The following HERC1 variants were observed in gnomAD, a reference collection of about 807,000 sequenced individuals.
The protein encoded by HERC1 is HECT and RLD domain containing E3 ubiquitin protein ligase family member 1.
A neutral mutation model predicts 554.3 loss-of-function variants in HERC1; 160 were observed. That is an observed-to-expected ratio of 0.29 (90% CI 0.25 to 0.33). HERC1 has a LOEUF of 0.33. Ranked by LOEUF, HERC1 falls within the 10% of genes least tolerant of loss-of-function variation. The pLI, the probability that HERC1 is intolerant of heterozygous loss-of-function variation, is 1.00. For synonymous variants in HERC1, 2,175 were observed against 2,131.7 expected (o/e 1.02, Z -0.56); for missense variants, 4,919 against 5,918.5 (o/e 0.83, Z 5.54).
chr15:63,715,935 G>A (rs1411944149), intron 22 of HERC1, among the ~76,000 whole-genome samples: 4 of 152,102 alleles, frequency 2.6e-5, no homozygotes, highest in African/African-American at 4.8e-5. Flanking sequence ...GCATAGAAAG[G>A]GGCTCTCTTC....
At chr15:63,728,356 T>C (rs906600353) in intron 16 of HERC1, among the ~76,000 whole-genome samples, 3 of 152,192 alleles carry the variant, frequency 2.0e-5, no homozygotes, top group African/African-American at 7.2e-5. Context: ...TCCATATTGG[T>C]TTTAAATCAA....
chr15:63,681,729 C>T (rs1044438000), intron 34 of HERC1, among the ~76,000 whole-genome samples: 21 of 152,142 alleles, frequency 1.4e-4, no homozygotes, highest in Admixed American at 5.9e-4. Flanking sequence ...AAGGTGTCTA[C>T]GTGACCAGCC....
At chr15:63,676,617 A>T (rs2071223657) in intron 37 of HERC1, among the ~76,000 whole-genome samples, 1 of 152,104 alleles carries the variant, frequency 6.6e-6, no homozygotes, top group Non-Finnish European at 1.5e-5. Context: ...TTAGCCGGGC[A>T]TGATGGTGGG....
chr15:63,740,179 A>G (rs888305706), intron 12 of HERC1, among the ~76,000 whole-genome samples: 1 of 152,160 alleles, frequency 6.6e-6, no homozygotes, highest in Non-Finnish European at 1.5e-5. Flanking sequence ...CAAAGTGTGC[A>G]GATTACAGGT....
chr15:63,736,631 G>A (rs1015653353), intron 12 of HERC1, among the ~76,000 whole-genome samples: 12 of 150,170 alleles, frequency 8.0e-5, no homozygotes, highest in Admixed American at 4.6e-4. Context: ...TTTTTGAGAC[G>A]GAGTCTTGCT....
chr15:63,832,794 C>G (rs1014284664), intron 1 of HERC1, among the ~76,000 whole-genome samples: 5 of 151,618 alleles, frequency 3.3e-5, no homozygotes, highest in African/African-American at 1.2e-4. Flanking sequence ...ATTTTTGGAA[C>G]AAATATAGAA....
At chr15:63,723,987 T>C (rs1273071358) in intron 18 of HERC1, among the ~76,000 whole-genome samples, 1 of 152,218 alleles carries the variant, frequency 6.6e-6, no homozygotes, top group Non-Finnish European at 1.5e-5. Flanking sequence ...CAAAAATCAA[T>C]TCAACCCATA....
At chr15:63,664,917 T>C (rs2070542470) in intron 42 of HERC1, among the ~76,000 whole-genome samples, 1 of 152,194 alleles carries the variant, frequency 6.6e-6, no homozygotes, top group Non-Finnish European at 1.5e-5. Context: ...TGATTGAGAA[T>C]TCTTGCCTAG....
At chr15:63,657,842 A>C (rs920034527) in intron 48 of HERC1, among the ~76,000 whole-genome samples, 1 of 151,464 alleles carries the variant, frequency 6.6e-6, no homozygotes, top group African/African-American at 2.4e-5. Flanking sequence ...TTTTTTTTCT[A>C]TGTGGATAAA....
At chr15:63,660,101 A>G (rs905995296) in intron 46 of HERC1, among the ~76,000 whole-genome samples, 165 bp from the exon 47 acceptor site, 3 of 152,004 alleles carry the variant, frequency 2.0e-5, no homozygotes, top group Admixed American at 6.6e-5. Context: ...ACTGGATCAC[A>G]TGAGGTCAGG....
chr15:63,700,708 C>CAAAAAAAAAAA (rs11314964), intron 25 of HERC1, among the ~76,000 whole-genome samples: 6 of 64,588 alleles, frequency 9.3e-5, no homozygotes, highest in Admixed American at 2.0e-4. Flanking sequence ...GACCCTGCCT[C>CAAAAAAAAAAA]AAAAAAAAAA....
intron 38 of HERC1, 106 bp downstream of exon 38, chr15:63,674,236 A>AT: frequency 1.4e-4 from 132 of 959,804 alleles, no homozygotes; most frequent in Non-Finnish European, 1.8e-4. Flanking sequence ...CCAAAAAAAA[A>AT]ATTTTTTTTT....
At chr15:63,655,452 T>A (rs2152908042) in intron 50 of HERC1, among the ~76,000 whole-genome samples, 1 of 152,314 alleles carries the variant, frequency 6.6e-6, no homozygotes, top group African/African-American at 2.4e-5. Context: ...AGTGTTATAA[T>A]CTTAAAACAA....
rs2074770099 is a variant in HERC1 at position 63,740,868 on chromosome 15, T to C, written c.2521-6019A>G. On this transcript the variant is annotated intron_variant, in intron 12 of 77. Coordinates refer to ENST00000443617, the MANE Select transcript of HERC1 (RefSeq NM_003922.4). The stretch of plus-strand genomic sequence containing the variant: ...ACTTACAAGTATCTCTCCCATTCTG[T>C]GTGCTGTCTTCATTTTCTTGAAAGT... Among the ~76,000 whole-genome samples, 4 of 152,340 alleles carry C rather than the reference T, an allele frequency of 2.6e-5. No individual in the cohort carries two copies. In the South Asian group the frequency reaches 8.3e-4, roughly 32 times the overall value.
At chr15:63,668,839 C>T (rs1453905679) in intron 40 of HERC1, among the ~76,000 whole-genome samples, 6 of 152,166 alleles carry the variant, frequency 3.9e-5, no homozygotes, top group South Asian at 2.1e-4. Context: ...TTCAACAACA[C>T]TCTCTCAATA....
At chr15:63,764,027 A>T in intron 3 of HERC1, 69 bp downstream of exon 3, 1 of 905,638 alleles carries the variant, frequency 1.1e-6, no homozygotes, top group Non-Finnish European at 1.6e-6. Context: ...GATTATTTTT[A>T]AGGGATAAAT....
At position 63,758,438 on chromosome 15, in the gene HERC1, C is replaced by A; in HGVS notation, c.1027-69G>T. 9.4e-7 allele frequency: 1 copy of A among 1,066,236 alleles called. No individual in the cohort carries two copies. The highest frequency in any genetic ancestry group is 1.3e-6 in the Non-Finnish European group (1 of 744,602). 66.0% of individuals were successfully genotyped at this position (1,066,236 alleles called of 1,614,324 possible). A position where few individuals can be genotyped will look rare whatever the true frequency, so the allele number is the denominator to read the frequency against. On this transcript the variant is annotated intron_variant, in intron 3 of 77. Coordinates refer to ENST00000443617, the MANE Select transcript of HERC1 (RefSeq NM_003922.4). This position sits in a 1 kb window ranked among gnomAD's most constrained non-coding sequence, Gnocchi z 4.0. ...TAGTCTGGGCATTTTTTATACATAT[C>A]CTCTGAAATTACTGTTGCCTTTCCT...
At chr15:63,739,787 G>A (rs1211716031) in intron 12 of HERC1, among the ~76,000 whole-genome samples, 4 of 152,048 alleles carry the variant, frequency 2.6e-5, no homozygotes, top group Admixed American at 6.5e-5. Flanking sequence ...ACAGTGAGCC[G>A]AGATCGAGCC....
chr15:63,801,784 A>G (rs1242510184), intron 1 of HERC1, among the ~76,000 whole-genome samples: 2 of 152,198 alleles, frequency 1.3e-5, no homozygotes, highest in East Asian at 1.9e-4. Context: ...TAGGGATTCT[A>G]TCTGCAGTCC....
Sources: allele counts gnomAD v4.1 joint callset (sites outside exome capture counted in the v4.1 genomes callset), GRCh38; gene constraint gnomAD v4.1.1; non-coding constraint Gnocchi (gnomAD v3.1); transcripts MANE v1.5; gene names NCBI Gene and HGNC (gene_info 2026-07-23, HGNC 2026-07-21).